Variants in RHBDD1 observed in about 807,000 individuals in gnomAD.
RHBDD1 encodes rhomboid domain containing 1.
In RHBDD1, 38 loss-of-function variants were observed where a neutral mutation model predicts 36.3. The ratio of observed to expected loss-of-function variants is 1.05; its 90% confidence interval spans 0.81 to 1.37. The LOEUF is 1.37. RHBDD1 is among the 40% of genes most tolerant of loss of function. The pLI, the probability that RHBDD1 is intolerant of heterozygous loss-of-function variation, is 0.00. For synonymous variants in RHBDD1, 151 were observed against 136.5 expected (o/e 1.11, Z -0.74); for missense variants, 393 against 377.6 (o/e 1.04, Z -0.34).
intron 8 of RHBDD1, among the ~76,000 whole-genome samples, chr2:226,950,585 A>G (rs1367128886): frequency 6.6e-6 from 1 of 152,140 alleles, no homozygotes; most frequent in Non-Finnish European, 1.5e-5. Context: ...GGCTGTACCA[A>G]CTTATATTCC....
the RHBDD1 span, among the ~76,000 whole-genome samples, chr2:226,803,176 T>C: frequency 6.6e-6 from 1 of 152,230 alleles, no homozygotes; most frequent in Non-Finnish European, 1.5e-5. Flanking sequence ...GTTTTTATTT[T>C]AAGATGGCTC....
At chr2:226,821,987 A>G in the RHBDD1 span, among the ~76,000 whole-genome samples, 1 of 152,132 alleles carries the variant, frequency 6.6e-6, no homozygotes, top group Non-Finnish European at 1.5e-5. Flanking sequence ...ATTAAGTTTC[A>G]GGGGGTTTGA....
chr2:226,876,170 A>C (rs980683040), intron 5 of RHBDD1, among the ~76,000 whole-genome samples: 10 of 152,230 alleles, frequency 6.6e-5, no homozygotes, highest in African/African-American at 2.4e-4. Flanking sequence ...CAGAATGGAC[A>C]CACGGCTTTG....
chr2:226,917,886 A>G (rs1949024328), intron 8 of RHBDD1, among the ~76,000 whole-genome samples: 1 of 152,058 alleles, frequency 6.6e-6, no homozygotes, highest in Admixed American at 6.5e-5. Flanking sequence ...TTTAAAAAGA[A>G]AAGAAATCAT....
At chr2:226,970,846 GA>G (rs1953332621) in intron 8 of RHBDD1, among the ~76,000 whole-genome samples, 2 of 152,152 alleles carry the variant, frequency 1.3e-5, no homozygotes, top group East Asian at 3.9e-4. Flanking sequence ...CCTCGGAGAG[GA>G]GGGATATCGT....
At chr2:226,875,288 T>C (rs796343241) in intron 5 of RHBDD1, among the ~76,000 whole-genome samples, 1 of 152,218 alleles carries the variant, frequency 6.6e-6, no homozygotes, top group South Asian at 2.1e-4. Flanking sequence ...CTGTCTCAGG[T>C]ATTTTTACTT....
chr2:226,860,443 A>G (rs577960637), intron 3 of RHBDD1, among the ~76,000 whole-genome samples: 23 of 152,210 alleles, frequency 1.5e-4, no homozygotes, highest in African/African-American at 4.8e-4. Flanking sequence ...AAAAATTTCT[A>G]TGTATTTGAT....
chr2:226,982,010 C>T (rs1955881195), intron 8 of RHBDD1, among the ~76,000 whole-genome samples: 1 of 152,244 alleles, frequency 6.6e-6, no homozygotes, highest in South Asian at 2.1e-4. Flanking sequence ...GCTGCTGCCT[C>T]TCAAAATTCA....
chr2:226,942,503 T>C, intron 8 of RHBDD1: 2 of 343,634 alleles, frequency 5.8e-6, no homozygotes, highest in Non-Finnish European at 1.1e-5. Flanking sequence ...CCTCCCAGAG[T>C]GCTGGGATTA....
intron 8 of RHBDD1, among the ~76,000 whole-genome samples, chr2:226,962,778 T>TAAAATAGGTAGAAA (rs1227576363): frequency 2.6e-5 from 4 of 152,204 alleles, no homozygotes; most frequent in African/African-American, 9.7e-5. Flanking sequence ...TTCTACCTAT[T>TAAAATAGGTAGAAA]TTAATGCCTT....
rs1184339483 is a variant in RHBDD1 at position 226,996,992 on chromosome 2, A to G, written c.*1470A>G. On this transcript the variant is annotated 3_prime_UTR_variant, in exon 9 of 9. Transcript: ENST00000392062. The stretch of plus-strand genomic sequence containing the variant: ...ACATTTTGGTGGTATTGTCTTATCA[A>G]TTTTTCCGTTGATACATTCAGCAAA... 1 of 152,134 alleles carries G rather than the reference A, an allele frequency of 6.6e-6. No homozygotes were observed. The highest frequency in any genetic ancestry group is 1.5e-5 in the Non-Finnish European group (1 of 68,024). The allele number at this position is 152,134 out of a possible 1,614,324, so 9.4% of individuals were successfully genotyped here.
the RHBDD1 span, among the ~76,000 whole-genome samples, chr2:226,826,811 C>T: frequency 7.9e-5 from 12 of 151,434 alleles, no homozygotes; most frequent in African/African-American, 2.7e-4. Context: ...TGAGCCACCA[C>T]ACCCAGCCTG....
chr2:226,811,985 T>A, the RHBDD1 span, among the ~76,000 whole-genome samples: 1 of 152,222 alleles, frequency 6.6e-6, no homozygotes, highest in Non-Finnish European at 1.5e-5. Flanking sequence ...TCTCTAGGAC[T>A]GTCCTAGAAC....
intron 5 of RHBDD1, among the ~76,000 whole-genome samples, chr2:226,882,665 A>G (rs115453413): frequency 0.014 from 2,080 of 151,670 alleles, 37 homozygotes; most frequent in African/African-American, 0.048. Context: ...TGTCTTTCCT[A>G]ATTTTTACCT....
chr2:226,803,088 G>T, the RHBDD1 span, among the ~76,000 whole-genome samples: 1 of 152,104 alleles, frequency 6.6e-6, no homozygotes, highest in African/African-American at 2.4e-5. Flanking sequence ...AAATACTGGC[G>T]TCTCTTAGAA....
Position 226,997,403 on chromosome 2 carries a change from T to G in RHBDD1, c.*1881T>G, listed in dbSNP as rs990596418. On this transcript the variant is annotated 3_prime_UTR_variant, in exon 9 of 9. Transcript: ENST00000392062. ...GCTATAACACATCTTGCCCCTATTA[T>G]TAACTGTGCACAGCTACACAAAGGT... is the stretch of plus-strand genomic sequence containing the variant. The G allele has an allele frequency of 6.6e-6, 1 of 152,190 alleles. No individual in the cohort carries two copies. The highest frequency in any genetic ancestry group is 2.4e-5 in the African/African-American group (1 of 41,436). The allele number at this position is 152,190 out of a possible 1,614,324, so 9.4% of individuals were successfully genotyped here. A position where few individuals can be genotyped will look rare whatever the true frequency, so the allele number is the denominator to read the frequency against.
intron 3 of RHBDD1, among the ~76,000 whole-genome samples, chr2:226,847,917 A>C (rs979886179): frequency 2.0e-5 from 3 of 152,202 alleles, no homozygotes; most frequent in Non-Finnish European, 4.4e-5. Flanking sequence ...CAAGCATGGA[A>C]CGCCTTGCAA....
intron 3 of RHBDD1, among the ~76,000 whole-genome samples, chr2:226,854,276 A>T (rs1409229951): frequency 6.6e-6 from 1 of 152,120 alleles, no homozygotes; most frequent in South Asian, 2.1e-4. Flanking sequence ...AAATGAGGAG[A>T]CTGAGGTAGA....
the RHBDD1 span, among the ~76,000 whole-genome samples, chr2:226,813,403 C>G: frequency 3.3e-5 from 5 of 152,280 alleles, no homozygotes; most frequent in South Asian, 1.0e-3. Flanking sequence ...ATAGATCACT[C>G]TTGTGGTTTT....
Sources: gnomAD v4.1 joint callset for allele counts (sites outside exome capture counted in the v4.1 genomes callset) on GRCh38, gnomAD v4.1.1 for gene constraint, MANE v1.5 for transcripts, NCBI Gene and HGNC (gene_info 2026-07-23, HGNC 2026-07-21) for gene names.